The following SYN3 variants were observed in gnomAD, a reference collection of about 807,000 sequenced individuals.
SYN3 encodes synapsin-3.
Under a neutral mutation model 65.8 loss-of-function variants are expected in SYN3, and 35 were observed. The ratio of observed to expected loss-of-function variants is 0.53; its 90% confidence interval spans 0.41 to 0.70. SYN3 has a LOEUF of 0.70. Ranked by LOEUF, SYN3 falls within the 30% of genes least tolerant of loss-of-function variation. The pLI, the probability that SYN3 is intolerant of heterozygous loss-of-function variation, is 0.00. For synonymous variants in SYN3, 270 were observed against 292.9 expected, an observed-to-expected ratio of 0.92 and a Z score of 0.80; for missense variants, 680 against 749.0, an observed-to-expected ratio of 0.91 and a Z score of 1.08.
chr22:32,625,804 C>T (rs1324762074), intron 6 of SYN3, among the ~76,000 whole-genome samples: 2 of 152,194 alleles, frequency 1.3e-5, no homozygotes, highest in African/African-American at 4.8e-5. Flanking sequence ...TACTGAGCAC[C>T]TGCAATGTTG....
At chr22:32,838,933 T>C (rs1180693165) in intron 6 of SYN3, among the ~76,000 whole-genome samples, 1 of 151,446 alleles carries the variant, frequency 6.6e-6, no homozygotes, top group Admixed American at 6.6e-5. Flanking sequence ...GAACCAATCA[T>C]TAAAGAACAC....
chr22:32,728,725 C>A (rs1445516815), intron 6 of SYN3, among the ~76,000 whole-genome samples: 1 of 152,182 alleles, frequency 6.6e-6, no homozygotes, highest in Admixed American at 6.5e-5. Flanking sequence ...GAGACTCAGT[C>A]TTGTTGGAGA....
intron 4 of SYN3, among the ~76,000 whole-genome samples, chr22:32,910,748 A>C (rs2050031849): frequency 6.6e-6 from 1 of 152,198 alleles, no homozygotes. Context: ...TCATCTGGAA[A>C]ATAGGTCGTT....
intron 6 of SYN3, among the ~76,000 whole-genome samples, chr22:32,699,573 C>T (rs1001911834): frequency 7.0e-6 from 1 of 143,442 alleles, no homozygotes; most frequent in Non-Finnish European, 1.5e-5. Flanking sequence ...ACCATGGACT[C>T]ACTGTGTGAC....
chr22:32,776,341 A>G (rs2045907599), intron 6 of SYN3, among the ~76,000 whole-genome samples: 2 of 152,172 alleles, frequency 1.3e-5, no homozygotes, highest in Admixed American at 1.3e-4. Context: ...CAGCCCAAGG[A>G]AAGAAACACA....
intron 4 of SYN3, among the ~76,000 whole-genome samples, chr22:32,894,935 G>T (rs1021004809): frequency 2.6e-5 from 4 of 152,196 alleles, no homozygotes; most frequent in Admixed American, 1.3e-4. Context: ...AAATGTAAAT[G>T]ATCCATAGTA....
chr22:32,912,511 T>A (rs1231970020), intron 4 of SYN3, among the ~76,000 whole-genome samples: 1 of 151,024 alleles, frequency 6.6e-6, no homozygotes, highest in Non-Finnish European at 1.5e-5. Context: ...AAGCCAGGAG[T>A]TTGAGACAAG....
intron 3 of SYN3, among the ~76,000 whole-genome samples, chr22:32,949,409 CTA>C (rs1216153661): frequency 6.6e-6 from 1 of 150,650 alleles, no homozygotes; most frequent in Admixed American, 6.6e-5. Flanking sequence ...GAGCGAGACT[CTA>C]TGTCAAAAAA....
intron 6 of SYN3, among the ~76,000 whole-genome samples, chr22:32,640,925 AAC>A (rs2059887949): frequency 6.6e-6 from 1 of 152,172 alleles, no homozygotes; most frequent in South Asian, 2.1e-4. Context: ...TTGATTTAGA[AAC>A]AGAGTCACAG....
rs974713385 is a variant in SYN3, at chr22:32,512,726, T to A, written c.*966A>T. The A allele has an allele frequency of 2.6e-5, 4 of 152,236 alleles. No individual in the cohort carries two copies. The highest frequency in any genetic ancestry group is 9.6e-5 in the African/African-American group (4 of 41,466). The allele number at this position is 152,236 out of a possible 1,614,324, so 9.4% of individuals were successfully genotyped here. ...CCAATACCTTGCTGTACAGAGTTTG[T>A]GAAATGCCAAACTAGAAGTGACTAT... On this transcript the variant is annotated 3_prime_UTR_variant, in exon 14 of 14. Transcript: ENST00000358763.
chr22:32,527,855 C>T lies in SYN3; in HGVS notation c.1318+63G>A, dbSNP rs550162514. On this transcript the variant is annotated intron_variant, in intron 12 of 13. Coordinates refer to ENST00000358763, the MANE Select transcript of SYN3 (RefSeq NM_003490.4). The stretch of plus-strand genomic sequence containing the variant: ...CCCCTTGTGGGAATCACATGTGGAT[C>T]CCTCGGTGCATTTCAGCACCCTCAC... The T allele has an allele frequency of 6.5e-5, 90 of 1,379,638 alleles. 1 individual carries two copies. The South Asian group carries it at 1.1e-3, about 17-fold the overall frequency. The allele number at this position is 1,379,638 out of a possible 1,614,324, so 85.5% of individuals were successfully genotyped here. A position where few individuals can be genotyped will look rare whatever the true frequency, so the allele number is the denominator to read the frequency against.
chr22:32,576,224 G>A lies in SYN3; in HGVS notation c.774+20450C>T, dbSNP rs569100317. Among the ~76,000 whole-genome samples, 359 of 152,248 alleles carry A rather than the reference G, an allele frequency of 2.4e-3. 1 individual carries two copies. Among genetic ancestry groups the A allele is most frequent in the Non-Finnish European group, 4.0e-3 (275 of 68,010 alleles). On this transcript the variant is annotated intron_variant, in intron 7 of 13. Transcript: ENST00000358763. ...CTGGCTTGAGGTCTTCCCACAGTGG[G>A]GAAGAGATAATAACTATTAATAGTA...
At chr22:32,530,920 C>T (rs1453701693) in intron 10 of SYN3, among the ~76,000 whole-genome samples, 2 of 151,756 alleles carry the variant, frequency 1.3e-5, no homozygotes, top group African/African-American at 2.4e-5. Context: ...GCAGGAGAAT[C>T]GCTTGAACCT....
intron 6 of SYN3, among the ~76,000 whole-genome samples, chr22:32,676,775 T>C (rs4821085): frequency 0.65 from 97,100 of 150,222 alleles, 31,819 homozygotes; most frequent in African/African-American, 0.75. Context: ...AATCTCTTGA[T>C]CTTGTGATCT....
intron 7 of SYN3, among the ~76,000 whole-genome samples, chr22:32,563,124 A>C (rs1376898627): frequency 2.0e-5 from 3 of 152,170 alleles, no homozygotes; most frequent in African/African-American, 7.2e-5. Flanking sequence ...TTGCGTTCCC[A>C]CTCCTTCAAC....
chr22:32,724,537 A>G (rs2061163504), intron 6 of SYN3, among the ~76,000 whole-genome samples: 1 of 152,198 alleles, frequency 6.6e-6, no homozygotes. Flanking sequence ...AACATTACTT[A>G]TCTAATAGGA....
intron 6 of SYN3, among the ~76,000 whole-genome samples, chr22:32,695,405 CTTG>C (rs1227431722): frequency 3.3e-5 from 5 of 152,230 alleles, no homozygotes; most frequent in African/African-American, 7.2e-5. Flanking sequence ...TTGGAAACGT[CTTG>C]TTGTGTTCTG....
chr22:32,650,575 A>G (rs1204451449), intron 6 of SYN3, among the ~76,000 whole-genome samples: 1 of 151,994 alleles, frequency 6.6e-6, no homozygotes, highest in Non-Finnish European at 1.5e-5. Context: ...TTACACTTTT[A>G]TTGGTCCTTT....
intron 6 of SYN3, among the ~76,000 whole-genome samples, chr22:32,733,558 C>T (rs1479563211): frequency 6.6e-6 from 1 of 152,196 alleles, no homozygotes; most frequent in African/African-American, 2.4e-5. Context: ...TCTAACATGG[C>T]CGGCGCCTGG....
Sources: gnomAD v4.1 joint callset for allele counts (sites outside exome capture counted in the v4.1 genomes callset) on GRCh38, gnomAD v4.1.1 for gene constraint, MANE v1.5 for transcripts, NCBI Gene and HGNC (gene_info 2026-07-23, HGNC 2026-07-21) for gene names.